Variants in KCNH7 observed in about 807,000 individuals in gnomAD.
KCNH7 encodes the protein potassium voltage-gated channel subfamily H member 7, also known as voltage-gated inwardly rectifying potassium channel KCNH7.
KCNH7 carries 49 observed loss-of-function variants against 120.8 expected under a neutral mutation model. That is an observed-to-expected ratio of 0.41 (90% CI 0.32 to 0.51). The LOEUF is 0.51. Among genes scored for constraint, KCNH7 ranks in the 20% least tolerant of loss-of-function variants. The pLI is 0.38. For synonymous variants in KCNH7, 547 were observed against 516.1 expected (o/e 1.06, Z -0.81); for missense variants, 1,097 against 1,446.6 (o/e 0.76, Z 3.92).
At chr2:162,397,082 C>A in intron 10 of KCNH7, 137 bp from the exon 11 acceptor site, 1 of 631,820 alleles carries the variant, frequency 1.6e-6, no homozygotes, top group Non-Finnish European at 2.8e-6. Flanking sequence ...AGCACCTTAA[C>A]TAAATGCCCA....
At chr2:162,444,384 C>T (rs1194221755) in intron 7 of KCNH7, among the ~76,000 whole-genome samples, 1 of 152,110 alleles carries the variant, frequency 6.6e-6, no homozygotes, top group Non-Finnish European at 1.5e-5. Flanking sequence ...CTGAGAGCAT[C>T]ACTGAACAAT....
At chr2:162,573,052 A>T (rs1185246858) in intron 2 of KCNH7, among the ~76,000 whole-genome samples, 3 of 152,056 alleles carry the variant, frequency 2.0e-5, no homozygotes, top group Non-Finnish European at 4.4e-5. Flanking sequence ...TATAATAATA[A>T]CACACTTAAA....
At chr2:162,413,349 A>G (rs1315078757) in intron 9 of KCNH7, among the ~76,000 whole-genome samples, 1 of 151,900 alleles carries the variant, frequency 6.6e-6, no homozygotes, top group African/African-American at 2.4e-5. Context: ...CTAGTCTCGA[A>G]CTCCTGACCT....
Position 162,634,814 on chromosome 2 carries a change from T to A in KCNH7, c.308-97734A>T, listed in dbSNP as rs768581199. ...TGTTCACTAACTTGAAATATAAGAC[T>A]ATTTTTCTTTACTTTGGGTTTCTTG... is the stretch of plus-strand genomic sequence containing the variant. On this transcript the variant is annotated intron_variant, in intron 2 of 15. Coordinates refer to ENST00000332142, the MANE Select transcript of KCNH7 (RefSeq NM_033272.4). Among the ~76,000 whole-genome samples, 9 of 152,192 alleles carry A rather than the reference T, an allele frequency of 5.9e-5. No individual in the cohort carries two copies. In the East Asian group the frequency reaches 7.7e-4, roughly 13 times the overall value.
At chr2:162,580,668 T>C (rs1272615301) in intron 2 of KCNH7, among the ~76,000 whole-genome samples, 1 of 152,004 alleles carries the variant, frequency 6.6e-6, no homozygotes, top group African/African-American at 2.4e-5. Context: ...AATTAATTAT[T>C]TGGGTTAAAA....
chr2:162,391,792 T>C (rs1686752931), intron 12 of KCNH7, among the ~76,000 whole-genome samples: 1 of 152,066 alleles, frequency 6.6e-6, no homozygotes, highest in Non-Finnish European at 1.5e-5. Flanking sequence ...CATTATTATA[T>C]TGACAACATT....
intron 6 of KCNH7, among the ~76,000 whole-genome samples, chr2:162,455,003 C>T (rs768883417): frequency 2.0e-5 from 3 of 152,046 alleles, no homozygotes; most frequent in Admixed American, 1.3e-4. Context: ...AGAGGGCATC[C>T]TTGTCTTGTG....
At chr2:162,818,795 T>G (rs1685003061) in intron 2 of KCNH7, among the ~76,000 whole-genome samples, 1 of 152,186 alleles carries the variant, frequency 6.6e-6, no homozygotes, top group South Asian at 2.1e-4. Context: ...TACAGGGTAT[T>G]GTTAAATTTC....
chr2:162,635,878 G>A (rs1200716998), intron 2 of KCNH7, among the ~76,000 whole-genome samples: 2 of 152,018 alleles, frequency 1.3e-5, no homozygotes, highest in Non-Finnish European at 2.9e-5. Flanking sequence ...ACAAGCCAGA[G>A]GGATTTTTGG....
intron 2 of KCNH7, among the ~76,000 whole-genome samples, chr2:162,538,431 C>CG (rs1029899359): frequency 2.3e-4 from 35 of 151,790 alleles, no homozygotes; most frequent in African/African-American, 8.5e-4. Context: ...AATGCAGAGG[C>CG]GGGGGGAGGT....
At chr2:162,399,282 T>C (rs1193417830) in intron 10 of KCNH7, among the ~76,000 whole-genome samples, 1 of 151,846 alleles carries the variant, frequency 6.6e-6, no homozygotes, top group Non-Finnish European at 1.5e-5. Flanking sequence ...TCTTCCCCAG[T>C]GTCCTAATAT....
chr2:162,617,541 T>C (rs529833334), intron 2 of KCNH7, among the ~76,000 whole-genome samples: 1 of 151,436 alleles, frequency 6.6e-6, no homozygotes, highest in African/African-American at 2.4e-5. Flanking sequence ...CCAAGAGAGA[T>C]TGGATTGGGT....
intron 2 of KCNH7, among the ~76,000 whole-genome samples, chr2:162,794,453 G>T (rs1025585639): frequency 2.6e-5 from 4 of 152,000 alleles, no homozygotes; most frequent in African/African-American, 9.7e-5. Flanking sequence ...TCCTGGGCTA[G>T]AAAAAGATGC....
intron 2 of KCNH7, among the ~76,000 whole-genome samples, chr2:162,654,304 A>G (rs543561151): frequency 6.6e-6 from 1 of 152,148 alleles, no homozygotes; most frequent in East Asian, 1.9e-4. Flanking sequence ...TAGCAAGTAA[A>G]TAAATAATCC....
chr2:162,637,392 C>T (rs1683999322), intron 2 of KCNH7, among the ~76,000 whole-genome samples: 1 of 152,022 alleles, frequency 6.6e-6, no homozygotes, highest in Non-Finnish European at 1.5e-5. Flanking sequence ...CCCGATAGTT[C>T]CAAGTGGCCA....
chr2:162,791,121 G>A (rs997662244), intron 2 of KCNH7, among the ~76,000 whole-genome samples: 1 of 151,956 alleles, frequency 6.6e-6, no homozygotes, highest in Non-Finnish European at 1.5e-5. Flanking sequence ...TGAAGTTTCA[G>A]AATAAAAAAG....
intron 2 of KCNH7, among the ~76,000 whole-genome samples, chr2:162,799,048 G>T (rs74868524): frequency 6.6e-6 from 1 of 152,000 alleles, no homozygotes; most frequent in African/African-American, 2.4e-5. Flanking sequence ...TATTCTTGGT[G>T]AGCAGTGTTT....
Position 162,434,367 on chromosome 2 carries a change from C to T in KCNH7, c.1954+831G>A, listed in dbSNP as rs560441863. 3.3e-5 allele frequency among the ~76,000 whole-genome samples: 5 copies of T among 152,080 alleles called. No homozygotes were observed. The South Asian group carries it at 1.0e-3, about 32-fold the overall frequency. ...CCCATGTAACAAACCTGTGCACATA[C>T]CCCCTGAATCTAAAATAAAAGTTGA... is the stretch of plus-strand genomic sequence containing the variant. On this transcript the variant is annotated intron_variant, in intron 8 of 15. Coordinates refer to ENST00000332142, the MANE Select transcript of KCNH7 (RefSeq NM_033272.4).
At chr2:162,477,097 G>A (rs532960527) in intron 6 of KCNH7, among the ~76,000 whole-genome samples, 26 of 152,216 alleles carry the variant, frequency 1.7e-4, no homozygotes, top group African/African-American at 5.8e-4. Flanking sequence ...TTTCCTAACC[G>A]CAGTAAGAAA....
Sources: allele counts gnomAD v4.1 joint callset (sites outside exome capture counted in the v4.1 genomes callset), GRCh38; gene constraint gnomAD v4.1.1; transcripts MANE v1.5; gene names NCBI Gene and HGNC (gene_info 2026-07-23, HGNC 2026-07-21).